SLC6A17: variants seen among roughly 807,000 people sequenced by gnomAD.
SLC6A17 encodes the protein solute carrier family 6 member 17, also known as sodium-dependent neutral amino acid transporter SLC6A17.
Under a neutral mutation model 64.5 loss-of-function variants are expected in SLC6A17, and 21 were observed. The ratio of observed to expected loss-of-function variants is 0.33; its 90% confidence interval spans 0.23 to 0.47. The LOEUF (loss-of-function observed/expected upper bound fraction) is 0.47. SLC6A17 is among the 20% of genes least tolerant of loss of function. SLC6A17 has a pLI of 1.00. For synonymous variants in SLC6A17, 372 were observed against 399.5 expected, an observed-to-expected ratio of 0.93 and a Z score of 0.82; for missense variants, 682 against 963.2, an observed-to-expected ratio of 0.71 and a Z score of 3.86.
chr1:110,164,187 T>G (rs1570981620), intron 1 of SLC6A17, among the ~76,000 whole-genome samples: 1 of 152,202 alleles, frequency 6.6e-6, no homozygotes, highest in African/African-American at 2.4e-5. Flanking sequence ...GTCAGGTGAG[T>G]GAGTGAGTCA....
At chr1:110,185,920 G>A (rs866580708) in intron 6 of SLC6A17, among the ~76,000 whole-genome samples, 5 of 152,118 alleles carry the variant, frequency 3.3e-5, no homozygotes, top group African/African-American at 1.2e-4. Flanking sequence ...GGAAGGGAGG[G>A]TGCCCAGGGA....
At chr1:110,183,268 A>T (rs537845180) in intron 6 of SLC6A17, among the ~76,000 whole-genome samples, 1 of 152,380 alleles carries the variant, frequency 6.6e-6, no homozygotes, top group Non-Finnish European at 1.5e-5. Context: ...ATATGCATAC[A>T]GTGGGATATT....
chr1:110,190,798 G>A (rs1397541028), intron 6 of SLC6A17, among the ~76,000 whole-genome samples: 6 of 152,066 alleles, frequency 3.9e-5, no homozygotes, highest in Non-Finnish European at 8.8e-5. Flanking sequence ...AAAGAGTATA[G>A]GTGATAGAAA....
rs1250256054 is a variant in SLC6A17 at position 110,192,425 on chromosome 1, G to T, written c.1107-81G>T. The T allele has an allele frequency of 2.0e-5, 31 of 1,521,280 alleles. 1 individual carries two copies. The highest frequency in any genetic ancestry group is 6.9e-5 in the African/African-American group (5 of 72,394). The allele number at this position is 1,521,280 out of a possible 1,614,324, so 94.2% of individuals were successfully genotyped here. On this transcript the variant is annotated intron_variant, in intron 7 of 11. Transcript: ENST00000331565. The surrounding 1 kb of genome is among the most constrained non-coding windows in gnomAD (Gnocchi z 4.3). The stretch of plus-strand genomic sequence containing the variant: ...CAGTGACCCATGAGGTTCCCACCTG[G>T]GTGCCTGGGAAGAGCCTCCAGGATC...
intron 1 of SLC6A17, among the ~76,000 whole-genome samples, chr1:110,157,076 A>G (rs1223980059): frequency 6.6e-6 from 1 of 151,906 alleles, no homozygotes; most frequent in African/African-American, 2.4e-5. Context: ...GGTTTGTAAA[A>G]TTTTTCTTTT....
At chr1:110,172,335 G>A (rs572563454) in intron 3 of SLC6A17, 118 bp downstream of exon 3, 10 of 1,297,134 alleles carry the variant, frequency 7.7e-6, no homozygotes, top group South Asian at 6.2e-5. Flanking sequence ...GGCAGGGAGG[G>A]GGATCCTCAA....
In SLC6A17 at chr1:110,198,298, G is replaced by A. The variant is rs763172595; in HGVS notation, c.2038G>A (p.Val680Met). The A allele has an allele frequency of 1.9e-6, 3 of 1,614,122 alleles. No individual in the cohort carries two copies. The highest frequency in any genetic ancestry group is 2.5e-6 in the Non-Finnish European group (3 of 1,180,012). Residue 680 changes from valine to methionine, a missense_variant, in exon 12 of 12, where the codon GTG (valine) becomes ATG (methionine). Val to Met is a conservative substitution (Grantham distance 21). Transcript: ENST00000331565. ...TGAGACCCGCTTCATCCTCAGCAAG[G>A]TGCCCAGTGAGGCACCTTCCCCCAT... Reference protein sequence around the residue: ...NDETRFILSKVPSEAPSPMPT... With the variant: ...NDETRFILSKMPSEAPSPMPT...
intron 6 of SLC6A17, among the ~76,000 whole-genome samples, chr1:110,191,699 T>C (rs962398219): frequency 6.6e-6 from 1 of 152,200 alleles, no homozygotes; most frequent in Admixed American, 6.5e-5. Flanking sequence ...TGGGAAGCCA[T>C]GGTAGCAGTT....
intron 6 of SLC6A17, among the ~76,000 whole-genome samples, chr1:110,186,689 G>A (rs1656693286): frequency 6.6e-6 from 1 of 151,402 alleles, no homozygotes; most frequent in South Asian, 2.1e-4. Flanking sequence ...TCTCGCTCCC[G>A]ACTCTTTCCT....
Position 110,173,981 on chromosome 1 carries a change from CTT to C in SLC6A17, c.455_456del (p.Phe152CysfsTer6). 6.2e-7 allele frequency: 1 copy of C among 1,613,780 alleles called. No individual in the cohort carries two copies. ...AGTGGGCTTGTCCCCAGGTCTGTCT[CTT>C]TGTGGGGCTGTATTATAATGTGATC... ...IGFSSCIVCL[F>X]VGLYYNVIIG... On this transcript the variant is annotated frameshift_variant, in exon 4 of 12. Transcript: ENST00000331565. LOFTEE classifies it high-confidence loss of function.
chr1:110,197,418 C>A lies in SLC6A17; in HGVS notation c.1653-19C>A, dbSNP rs762974198. 3 of 1,600,372 alleles carry A rather than the reference C, an allele frequency of 1.9e-6. No individual in the cohort carries two copies. The highest frequency in any genetic ancestry group is 2.6e-6 in the Non-Finnish European group (3 of 1,173,048). On this transcript the variant is annotated intron_variant, in intron 10 of 11. Coordinates refer to ENST00000331565, the MANE Select transcript of SLC6A17 (RefSeq NM_001010898.4). ...GACTGAGGGATGCCAACTGCTGGAC[C>A]CTCTGCTATGCCTGGCAGGTTCATG...
chr1:110,195,022 G>T (rs1656923752), intron 9 of SLC6A17: 3 of 547,456 alleles, frequency 5.5e-6, no homozygotes, highest in Admixed American at 6.2e-5. Flanking sequence ...TAGTTCACTT[G>T]CCCCTCTCCC....
chr1:110,194,728 G>A lies in SLC6A17; in HGVS notation c.1449G>A (p.Thr483=), dbSNP rs764149564. ...SMIGTMAGIT[T]PIIDTFKVPK... ...TCGGGACCATGGCAGGCATCACCAC[G>A]CCCATCATCGACACCTTCAAGGTGC... Residue 483 remains threonine (T), a synonymous_variant, in exon 9 of 12, where the codon ACG becomes ACA. Coordinates refer to ENST00000331565, the MANE Select transcript of SLC6A17 (RefSeq NM_001010898.4). 7.4e-6 allele frequency: 12 copies of A among 1,614,102 alleles called. No homozygotes were observed. The highest frequency in any genetic ancestry group is 1.6e-4 in the Middle Eastern group (1 of 6,062).
At chr1:110,197,649 T>C (rs770460692) in intron 11 of SLC6A17, 50 bp downstream of exon 11, 2 of 1,530,970 alleles carry the variant, frequency 1.3e-6, no homozygotes, top group Non-Finnish European at 1.7e-6. Context: ...TTCTCAGGCC[T>C]TGAATGCAAC....
chr1:110,175,841 T>C (rs575243030), intron 5 of SLC6A17, among the ~76,000 whole-genome samples: 8 of 152,332 alleles, frequency 5.3e-5, no homozygotes, highest in African/African-American at 1.9e-4. Context: ...CTGCCACCTG[T>C]ATGAACGCAT....
chr1:110,168,965 C>T (rs766423384), intron 2 of SLC6A17, among the ~76,000 whole-genome samples: 1 of 152,238 alleles, frequency 6.6e-6, no homozygotes, highest in African/African-American at 2.4e-5. Flanking sequence ...CTTTTTCTAT[C>T]TTCTCTGATT....
chr1:110,166,990 G>C lies in SLC6A17; in HGVS notation c.61G>C (p.Val21Leu). Residue 21 changes from valine (V) to leucine (L), a missense_variant, in exon 2 of 12, where the codon GTG becomes CTG. By Grantham distance (32) the Val-to-Leu change is conservative. Transcript: ENST00000331565. ...CAGCAGTGAGCATGTCACTGAGTCC[G>C]TGGCCGACCTGCTGGCCCTCGAGGA... Reference protein sequence around the residue: ...EHSSEHVTESVADLLALEEPV... With the variant: ...EHSSEHVTESLADLLALEEPV... The C allele has an allele frequency of 6.2e-7, 1 of 1,613,778 alleles. No homozygotes were observed.
At chr1:110,175,572 G>A (rs531602638) in intron 5 of SLC6A17, among the ~76,000 whole-genome samples, 177 of 152,320 alleles carry the variant, frequency 1.2e-3, no homozygotes, top group African/African-American at 4.1e-3. Context: ...TTGGATTAGA[G>A]ATCCTGTATC....
chr1:110,159,036 A>C (rs565244566), intron 1 of SLC6A17, among the ~76,000 whole-genome samples: 2 of 152,306 alleles, frequency 1.3e-5, no homozygotes, highest in Non-Finnish European at 2.9e-5. Context: ...CCATGTCTTC[A>C]TTTGTAAAAT....
Sources: allele counts gnomAD v4.1 joint callset (sites outside exome capture counted in the v4.1 genomes callset), GRCh38; gene constraint gnomAD v4.1.1; non-coding constraint Gnocchi (gnomAD v3.1); transcripts MANE v1.5; gene names NCBI Gene and HGNC (gene_info 2026-07-23, HGNC 2026-07-21).